The following SNX24 variants were observed in gnomAD, a reference collection of about 807,000 sequenced individuals.
SNX24 encodes sorting nexin-24.
SNX24 carries 22 observed loss-of-function variants against 28.7 expected under a neutral mutation model. The ratio of observed to expected loss-of-function variants is 0.77; its 90% CI spans 0.55 to 1.10. The LOEUF is 1.10. Among genes scored for constraint, SNX24 ranks in the 50% least tolerant of loss-of-function variants. The pLI, the probability that SNX24 is intolerant of heterozygous loss-of-function variation, is 0.00. For synonymous variants in SNX24, 69 were observed against 71.5 expected (o/e 0.96, Z 0.18); for missense variants, 221 against 201.1 (o/e 1.10, Z -0.60).
At chr5:122,967,750 G>A (rs1050836858) in intron 3 of SNX24, among the ~76,000 whole-genome samples, 3 of 152,190 alleles carry the variant, frequency 2.0e-5, no homozygotes, top group Non-Finnish European at 4.4e-5. Flanking sequence ...GGACTTATGA[G>A]TTATATTATC....
chr5:122,871,328 C>T (rs1041046034), intron 1 of SNX24, among the ~76,000 whole-genome samples: 7 of 152,102 alleles, frequency 4.6e-5, no homozygotes, highest in East Asian at 1.9e-4. Context: ...TAGATAGCTT[C>T]CCTGTTGTGG....
At chr5:122,863,171 AGAAAG>A (rs1241045241) in intron 1 of SNX24, among the ~76,000 whole-genome samples, 1 of 152,180 alleles carries the variant, frequency 6.6e-6, no homozygotes, top group Non-Finnish European at 1.5e-5. Context: ...ATGGAGAAAA[AGAAAG>A]GAAGAGAGGT....
At chr5:122,988,239 C>A in intron 3 of SNX24, among the ~76,000 whole-genome samples, 1 of 152,116 alleles carries the variant, frequency 6.6e-6, no homozygotes. Context: ...TTCTGCCCAG[C>A]CCCAGTGATG....
chr5:122,983,206 TTGCAAG>T (rs922320792), intron 3 of SNX24: 1 of 149,360 alleles, frequency 6.7e-6, no homozygotes, highest in African/African-American at 2.4e-5. Context: ...TTTTTTTTTT[TTGCAAG>T]TGCAACAATT....
At chr5:122,963,008 C>CG (rs1760551043) in intron 3 of SNX24, among the ~76,000 whole-genome samples, 1 of 152,028 alleles carries the variant, frequency 6.6e-6, no homozygotes, top group African/African-American at 2.4e-5. Context: ...CCAAGGTGGG[C>CG]GGATCACTTG....
intron 5 of SNX24, chr5:123,023,519 C>T (rs1762794605): frequency 6.3e-6 from 1 of 158,088 alleles, no homozygotes; most frequent in Admixed American, 6.4e-5. Flanking sequence ...TAATAATATC[C>T]TCATCTGTTT....
At chr5:122,940,764 G>A (rs905987526) in intron 2 of SNX24, among the ~76,000 whole-genome samples, 2 of 151,690 alleles carry the variant, frequency 1.3e-5, no homozygotes, top group Admixed American at 6.6e-5. Flanking sequence ...GTAGAAACAG[G>A]GTTTCACCAT....
chr5:122,981,145 T>C (rs1761378087), intron 3 of SNX24, among the ~76,000 whole-genome samples: 1 of 152,218 alleles, frequency 6.6e-6, no homozygotes, highest in African/African-American at 2.4e-5. Flanking sequence ...ATATGTTATT[T>C]GTGCCAATTT....
chr5:122,880,296 G>A (rs541936426), intron 1 of SNX24, among the ~76,000 whole-genome samples: 2 of 152,116 alleles, frequency 1.3e-5, no homozygotes, highest in Admixed American at 1.3e-4. Flanking sequence ...TTGTCTAATT[G>A]CATCCCACAT....
At chr5:122,946,230 A>G in intron 3 of SNX24, 71 bp downstream of exon 3, 1 of 808,752 alleles carries the variant, frequency 1.2e-6, no homozygotes, top group Admixed American at 2.4e-5. Context: ...TTCTCAGGAC[A>G]TGTGAGTGCA....
chr5:122,913,020 AG>A (rs947653381), intron 1 of SNX24, among the ~76,000 whole-genome samples: 1 of 152,084 alleles, frequency 6.6e-6, no homozygotes, highest in African/African-American at 2.4e-5. Flanking sequence ...CAGAGAGCAC[AG>A]GGTTGGGGGT....
At position 122,974,176 on chromosome 5, in the gene SNX24, G is replaced by A. The variant is rs185027672; in HGVS notation, c.250-25736G>A. Among the ~76,000 whole-genome samples the A allele has an allele frequency of 3.9e-3, 599 of 152,330 alleles. 2 individuals carry two copies. The highest frequency in any genetic ancestry group is 5.5e-3 in the Non-Finnish European group (377 of 68,028). ...TCACCTTACAAGGAGTATCTCAACA[G>A]GCCCCACACCACTGGACCCCTAGGA... On this transcript the variant is annotated intron_variant, in intron 3 of 6. Coordinates refer to ENST00000261369, the MANE Select transcript of SNX24 (RefSeq NM_014035.4).
intron 1 of SNX24, among the ~76,000 whole-genome samples, chr5:122,881,971 ATTT>A (rs200785867): frequency 2.2e-5 from 3 of 138,938 alleles, no homozygotes; most frequent in Admixed American, 7.2e-5. Flanking sequence ...TGTTTGTTGG[ATTT>A]TTTTTTTTTT....
chr5:122,898,578 T>C (rs1239064852), intron 1 of SNX24, among the ~76,000 whole-genome samples: 1 of 152,208 alleles, frequency 6.6e-6, no homozygotes, highest in East Asian at 1.9e-4. Context: ...TTGAGTTCTT[T>C]GGTCTGGGAA....
In SNX24 at chr5:122,871,833, T is replaced by C. The variant is rs147827311; in HGVS notation, c.60+26140T>C. 2.6e-3 allele frequency among the ~76,000 whole-genome samples: 400 copies of C among 152,062 alleles called. 1 individual carries two copies. The highest frequency in any genetic ancestry group is 9.4e-3 in the African/African-American group (389 of 41,476). ...TCCTGCTCGAGGAAGTTCTAAGGAGTGTCATTGTTAAGTTTTGGAGCCAGA... is the reference window on the plus strand; with the variant it reads ...TCCTGCTCGAGGAAGTTCTAAGGAGCGTCATTGTTAAGTTTTGGAGCCAGA... On this transcript the variant is annotated intron_variant, in intron 1 of 6. Transcript: ENST00000261369.
At chr5:123,021,105 C>G (rs866499701) in intron 5 of SNX24, among the ~76,000 whole-genome samples, 1 of 22,502 alleles carries the variant, frequency 4.4e-5, no homozygotes, top group Admixed American at 4.3e-4. Context: ...CCACACAGTT[C>G]CCCCCCCGTC....
intron 1 of SNX24, among the ~76,000 whole-genome samples, chr5:122,854,338 C>T (rs1755070732): frequency 6.6e-6 from 1 of 152,036 alleles, no homozygotes; most frequent in Non-Finnish European, 1.5e-5. Flanking sequence ...GAAACCCTGT[C>T]TCTACTAAAA....
intron 1 of SNX24, among the ~76,000 whole-genome samples, chr5:122,865,722 AG>A (rs1370671603): frequency 6.6e-6 from 1 of 152,232 alleles, no homozygotes; most frequent in Non-Finnish European, 1.5e-5. Context: ...GAGAGGAGGC[AG>A]GTTCTCTAAC....
chr5:122,990,831 C>T (rs537873180), intron 3 of SNX24, among the ~76,000 whole-genome samples: 3 of 152,012 alleles, frequency 2.0e-5, no homozygotes, highest in Non-Finnish European at 2.9e-5. Flanking sequence ...TATTAAATAC[C>T]GTAGTCTCCT....
Sources: gnomAD v4.1 joint callset for allele counts (sites outside exome capture counted in the v4.1 genomes callset) on GRCh38, gnomAD v4.1.1 for gene constraint, MANE v1.5 for transcripts, NCBI Gene and HGNC (gene_info 2026-07-23, HGNC 2026-07-21) for gene names.